The following SETBP1 variants were observed in gnomAD, a reference collection of about 807,000 sequenced individuals.
The protein encoded by SETBP1 is SET-binding protein.
SETBP1 carries 9 observed loss-of-function variants against 101.0 expected under a neutral mutation model. The ratio of observed to expected loss-of-function variants is 0.09; its 90% CI spans 0.05 to 0.16. The LOEUF is 0.16. SETBP1 is among the 10% of genes least tolerant of loss of function. The pLI, the probability that SETBP1 is intolerant of heterozygous loss-of-function variation, is 1.00. For missense variants in SETBP1, 1,858 were observed against 2,033.8 expected (o/e 0.91, Z 1.66); for synonymous variants, 818 against 788.5 (o/e 1.04, Z -0.63).
At chr18:45,059,674 G>A (rs1397766895) in intron 5 of SETBP1, among the ~76,000 whole-genome samples, 1 of 152,140 alleles carries the variant, frequency 6.6e-6, no homozygotes, top group Non-Finnish European at 1.5e-5. Context: ...CTATTTAAAT[G>A]AAAATTAGGT....
At chr18:44,973,055 A>G (rs1052326667) in intron 4 of SETBP1, among the ~76,000 whole-genome samples, 1 of 152,200 alleles carries the variant, frequency 6.6e-6, no homozygotes, top group Non-Finnish European at 1.5e-5. Context: ...CGTCCCATCA[A>G]TACCTAATTT....
chr18:44,743,292 A>G (rs1013283001), intron 2 of SETBP1, among the ~76,000 whole-genome samples: 2 of 152,112 alleles, frequency 1.3e-5, no homozygotes, highest in Non-Finnish European at 2.9e-5. Context: ...GTGAGCTACA[A>G]AAGCAGAAAA....
At chr18:45,059,059 T>C (rs551700718) in intron 5 of SETBP1, among the ~76,000 whole-genome samples, 27 of 152,220 alleles carry the variant, frequency 1.8e-4, no homozygotes, top group Non-Finnish European at 3.5e-4. Context: ...TTGCCACTTA[T>C]TTATAATTTT....
At chr18:44,680,739 AC>A (rs1012551407), upstream of SETBP1, among the ~76,000 whole-genome samples, 29 of 141,586 alleles carry the variant, frequency 2.0e-4, no homozygotes, top group Non-Finnish European at 3.2e-4. Context: ...AATCTGATCT[AC>A]CCCCCCTCCG....
intron 5 of SETBP1, among the ~76,000 whole-genome samples, chr18:45,053,667 C>T (rs2073760176): frequency 6.6e-6 from 1 of 152,110 alleles, no homozygotes; most frequent in African/African-American, 2.4e-5. Flanking sequence ...GAAGTTCTAG[C>T]ATGGTCAACA....
At chr18:44,966,218 C>T (rs1486347395) in intron 4 of SETBP1, among the ~76,000 whole-genome samples, 1 of 152,152 alleles carries the variant, frequency 6.6e-6, no homozygotes, top group Non-Finnish European at 1.5e-5. Context: ...TTAAAAGACC[C>T]TCCATTATCC....
intron 2 of SETBP1, among the ~76,000 whole-genome samples, chr18:44,754,300 G>A (rs529172214): frequency 6.6e-5 from 10 of 152,302 alleles, no homozygotes; most frequent in Admixed American, 6.5e-4. Flanking sequence ...AGAACACAGT[G>A]AGACTTCTGT....
chr18:44,896,507 T>C (rs1053161402), intron 3 of SETBP1, among the ~76,000 whole-genome samples: 14 of 152,094 alleles, frequency 9.2e-5, no homozygotes, highest in Non-Finnish European at 2.1e-4. Context: ...CCAAGTTTTT[T>C]TGTTTTGTTT....
intron 3 of SETBP1, among the ~76,000 whole-genome samples, chr18:44,889,837 A>T (rs1051363081): frequency 1.3e-5 from 2 of 152,160 alleles, no homozygotes; most frequent in Non-Finnish European, 2.9e-5. Context: ...GCCAATAGAA[A>T]TTCTTCTGCA....
chr18:44,772,820 G>A (rs576225539), intron 2 of SETBP1, among the ~76,000 whole-genome samples: 2 of 152,222 alleles, frequency 1.3e-5, no homozygotes, highest in Admixed American at 1.3e-4. Flanking sequence ...GAAATTCCTG[G>A]AATAATCCCT....
At chr18:44,916,523 G>A (rs959253849) in intron 3 of SETBP1, among the ~76,000 whole-genome samples, 1 of 151,884 alleles carries the variant, frequency 6.6e-6, no homozygotes, top group African/African-American at 2.4e-5. Flanking sequence ...AACTTAATTT[G>A]TGTAAATATT....
At chr18:44,853,958 T>C (rs1323114755) in intron 2 of SETBP1, among the ~76,000 whole-genome samples, 1 of 152,172 alleles carries the variant, frequency 6.6e-6, no homozygotes, top group South Asian at 2.1e-4. Flanking sequence ...TTGACCACTC[T>C]CAAATTCTAC....
chr18:44,801,379 G>T (rs1464251439), intron 2 of SETBP1, among the ~76,000 whole-genome samples: 1 of 152,152 alleles, frequency 6.6e-6, no homozygotes, highest in African/African-American at 2.4e-5. Flanking sequence ...TTGAGTGAGG[G>T]TTGAGGATGG....
At chr18:44,728,647 T>G (rs1179420097) in intron 2 of SETBP1, among the ~76,000 whole-genome samples, 1 of 152,178 alleles carries the variant, frequency 6.6e-6, no homozygotes, top group East Asian at 1.9e-4. Context: ...TCAAATTCAA[T>G]GAACAGAAAG....
chr18:45,038,441 G>C, intron 4 of SETBP1, 44 bp from the exon 5 acceptor site: 4 of 1,587,220 alleles, frequency 2.5e-6, no homozygotes, highest in East Asian at 4.5e-5. Flanking sequence ...CTATCTTCCT[G>C]TTCCCTTAAA....
intron 2 of SETBP1, among the ~76,000 whole-genome samples, chr18:44,806,046 G>T (rs1055925757): frequency 6.6e-6 from 1 of 152,056 alleles, no homozygotes; most frequent in Non-Finnish European, 1.5e-5. Flanking sequence ...TTTCCTCTTT[G>T]CCTCTGTCAC....
At chr18:44,728,332 G>A (rs939411537) in intron 2 of SETBP1, among the ~76,000 whole-genome samples, 5 of 152,102 alleles carry the variant, frequency 3.3e-5, no homozygotes, top group African/African-American at 1.2e-4. Flanking sequence ...ACATGATCAC[G>A]TCTCCCTGTG....
intron 2 of SETBP1, among the ~76,000 whole-genome samples, chr18:44,728,470 A>G (rs1479962314): frequency 2.0e-5 from 3 of 152,364 alleles, no homozygotes; most frequent in Non-Finnish European, 2.9e-5. Context: ...GATGTTCCAT[A>G]GGGACCATTT....
intron 5 of SETBP1, among the ~76,000 whole-genome samples, chr18:45,047,210 G>C (rs1260366351): frequency 6.6e-6 from 1 of 152,112 alleles, no homozygotes; most frequent in Non-Finnish European, 1.5e-5. Context: ...GACGCCCAGG[G>C]AGTCAGGTGC....
Sources: gnomAD v4.1 joint callset for allele counts (sites outside exome capture counted in the v4.1 genomes callset) on GRCh38, gnomAD v4.1.1 for gene constraint, MANE v1.5 for transcripts, NCBI Gene and HGNC (gene_info 2026-07-23, HGNC 2026-07-21) for gene names.